The following SGTA variants were observed in gnomAD, a reference collection of about 807,000 sequenced individuals.
The protein encoded by SGTA is small glutamine rich tetratricopeptide repeat co-chaperone alpha, also known as small glutamine-rich tetratricopeptide repeat-containing protein alpha.
In SGTA, 22 loss-of-function variants were observed where a neutral mutation model predicts 44.3. The observed-to-expected ratio is 0.50, with a 90% CI of 0.36 to 0.71. The LOEUF is 0.71. SGTA is among the 30% of genes least tolerant of loss of function. The probability of loss-of-function intolerance (pLI) is 0.00; values close to 1 mark genes in which losing one functional copy is unlikely to be tolerated. For synonymous variants in SGTA, 174 were observed against 177.6 expected (o/e 0.98, Z 0.16); for missense variants, 341 against 435.9 (o/e 0.78, Z 1.94).
chr19:2,769,809 T>TGACACCCTCCTGGTTCCCCCAGCG (rs1488056710), intron 1 of SGTA, among the ~76,000 whole-genome samples: 2 of 45,974 alleles, frequency 4.4e-5, no homozygotes, highest in South Asian at 8.0e-4. Context: ...TTCCCCCACC[T>TGACACCCTCCTGGTTCCCCCAGCG]GACACCCTCC....
Position 2,755,317 on chromosome 19 carries a change from T to C in SGTA, c.*623A>G. 1.4e-6 allele frequency: 1 copy of C among 739,604 alleles called. No homozygotes were observed. Among genetic ancestry groups the C allele is most frequent in the Non-Finnish European group, 1.7e-6 (1 of 603,474 alleles). The allele number at this position is 739,604 out of a possible 1,614,324, so 45.8% of individuals were successfully genotyped here. A position where few individuals can be genotyped will look rare whatever the true frequency, so the allele number is the denominator to read the frequency against. ...AGAAAAGTCACAGAAACTGGTCCTA[T>C]GCACCCAGGACGGCTCCTGAGCCGC... is the stretch of plus-strand genomic sequence containing the variant. On this transcript the variant is annotated 3_prime_UTR_variant, in exon 12 of 12. Coordinates refer to ENST00000221566, the MANE Select transcript of SGTA (RefSeq NM_003021.4). The surrounding 1 kb of genome is among the most constrained non-coding windows in gnomAD (Gnocchi z 5.2).
intron 1 of SGTA, among the ~76,000 whole-genome samples, chr19:2,769,625 G>GGT (rs1268925291): frequency 1.3e-5 from 2 of 152,318 alleles, no homozygotes; most frequent in East Asian, 3.9e-4. Context: ...AACGGGGCCA[G>GGT]GTGTGCCTGC....
At chr19:2,762,968 C>T (rs1224695229) in intron 6 of SGTA, among the ~76,000 whole-genome samples, 1 of 152,182 alleles carries the variant, frequency 6.6e-6, no homozygotes, top group African/African-American at 2.4e-5. Flanking sequence ...GTTGTCTTGG[C>T]CCCGCTTCCC....
chr19:2,782,267 T>C (rs1599511960), intron 1 of SGTA, among the ~76,000 whole-genome samples: 1 of 152,134 alleles, frequency 6.6e-6, no homozygotes, highest in Non-Finnish European at 1.5e-5. Context: ...GGGCACAGAA[T>C]TGTTCCTGGT....
Position 2,761,391 on chromosome 19 carries a change from G to C in SGTA, c.699+69C>G. ...AGGCAAGGAAGCCCTGGCCAGTAGC[G>C]GACACAGCAGATGCGGGCCTGGGGG... On this transcript the variant is annotated intron_variant, in intron 8 of 11. Coordinates refer to ENST00000221566, the MANE Select transcript of SGTA (RefSeq NM_003021.4). This position sits in a 1 kb window ranked among gnomAD's most constrained non-coding sequence, Gnocchi z 5.7. The C allele has an allele frequency of 7.4e-7, 1 of 1,353,954 alleles. No homozygotes were observed. Among genetic ancestry groups the C allele is most frequent in the Non-Finnish European group, 1.0e-6 (1 of 969,782 alleles). 83.9% of individuals were successfully genotyped at this position (1,353,954 alleles called of 1,614,324 possible). A position where few individuals can be genotyped will look rare whatever the true frequency, so the allele number is the denominator to read the frequency against.
Position 2,761,900 on chromosome 19 carries a change from C to T in SGTA, c.637-378G>A, listed in dbSNP as rs939282714. On this transcript the variant is annotated intron_variant, in intron 7 of 11. Coordinates refer to ENST00000221566, the MANE Select transcript of SGTA (RefSeq NM_003021.4). The surrounding 1 kb of genome is among the most constrained non-coding windows in gnomAD (Gnocchi z 5.7). ...GTGTTTATTCCCCGTACAGCGCGACCGCCCGGGGACGGCACAGTCTATCAT... is the reference window on the plus strand; with the variant it reads ...GTGTTTATTCCCCGTACAGCGCGACTGCCCGGGGACGGCACAGTCTATCAT... Among the ~76,000 whole-genome samples the T allele has an allele frequency of 1.0e-4, 15 of 148,952 alleles. No homozygotes were observed. The highest frequency in any genetic ancestry group is 6.6e-5 in the Admixed American group (1 of 15,046).
At position 2,757,280 on chromosome 19, in the gene SGTA, A is replaced by C. The variant is rs897859878; in HGVS notation, c.*6+57T>G. 1.9e-6 allele frequency: 3 copies of C among 1,574,222 alleles called. No individual in the cohort carries two copies. In the African/African-American group the frequency reaches 4.0e-5, roughly 21 times the overall value. On this transcript the variant is annotated intron_variant, in intron 11 of 11. Transcript: ENST00000221566. ...CTGCTGGCTGCCCTCACTGCCAGGC[A>C]CTCACGTGGTGTCACTCCTGCTGGC...
chr19:2,782,062 G>C (rs1302359039), intron 1 of SGTA, among the ~76,000 whole-genome samples: 1 of 152,084 alleles, frequency 6.6e-6, no homozygotes, highest in Non-Finnish European at 1.5e-5. Flanking sequence ...GGCTGGTCTT[G>C]AACTCCTGAC....
intron 1 of SGTA, among the ~76,000 whole-genome samples, chr19:2,774,344 C>A (rs1023618081): frequency 2.0e-5 from 3 of 152,160 alleles, no homozygotes; most frequent in Admixed American, 2.0e-4. Context: ...CGGAAGGGAG[C>A]AGTGAAGGGC....
chr19:2,761,605 C>T lies in SGTA; in HGVS notation c.637-83G>A, dbSNP rs3745815. 0.21 allele frequency: 244,844 copies of T among 1,139,806 alleles called. 29,448 individuals are homozygous for T. The highest frequency in any genetic ancestry group is 0.48 in the East Asian group (18,551 of 38,762). 70.6% of individuals were successfully genotyped at this position (1,139,806 alleles called of 1,614,324 possible). A position where few individuals can be genotyped will look rare whatever the true frequency, so the allele number is the denominator to read the frequency against. On this transcript the variant is annotated intron_variant, in intron 7 of 11. Transcript: ENST00000221566. The surrounding 1 kb of genome is among the most constrained non-coding windows in gnomAD (Gnocchi z 5.7). ...CCCCCTGGAACTCAGAAACAACGGC[C>T]CCCCACGGGGCTCAGACATTCTATC...
At chr19:2,771,575 CGGG>C (rs5741784) in intron 1 of SGTA, among the ~76,000 whole-genome samples, 9 of 109,294 alleles carry the variant, frequency 8.2e-5, no homozygotes, top group African/African-American at 3.0e-4. Flanking sequence ...ACCTCCCCAT[CGGG>C]GGGGGGGGGA....
intron 6 of SGTA, 115 bp from the exon 7 acceptor site, chr19:2,762,759 C>A: frequency 8.1e-7 from 1 of 1,233,430 alleles, no homozygotes; most frequent in Non-Finnish European, 1.1e-6. Context: ...GATGGTGCCA[C>A]CCCCTGCCCG....
intron 9 of SGTA, among the ~76,000 whole-genome samples, chr19:2,758,001 G>A (rs951675153): frequency 6.6e-5 from 10 of 152,180 alleles, no homozygotes; most frequent in Admixed American, 1.3e-4. Context: ...CCTAAAGAGC[G>A]TAGTTCTCAG....
At chr19:2,758,962 G>C (rs1434398019) in intron 9 of SGTA, among the ~76,000 whole-genome samples, 1 of 152,110 alleles carries the variant, frequency 6.6e-6, no homozygotes, top group African/African-American at 2.4e-5. Context: ...GGGGATGCGT[G>C]GTTGTCAGGG....
Position 2,755,485 on chromosome 19 carries a change from T to A in SGTA, c.*455A>T. 1.0e-6 allele frequency: 1 copy of A among 986,482 alleles called. No homozygotes were observed. The allele number at this position is 986,482 out of a possible 1,614,324, so 61.1% of individuals were successfully genotyped here. On this transcript the variant is annotated 3_prime_UTR_variant, in exon 12 of 12. Transcript: ENST00000221566. The surrounding 1 kb of genome is among the most constrained non-coding windows in gnomAD (Gnocchi z 5.2). ...GCACAGGGCCGGGGTGGCCGGGAGG[T>A]CGACTCGGAAAGAGGCTTCTCACAG...
chr19:2,761,251 G>A lies in SGTA; in HGVS notation c.699+209C>T, dbSNP rs1048328304. Among the ~76,000 whole-genome samples, 12 of 152,084 alleles carry A rather than the reference G, an allele frequency of 7.9e-5. No individual in the cohort carries two copies. The highest frequency in any genetic ancestry group is 7.2e-4 in the Admixed American group (11 of 15,274). ...GACACTTTTGATTGTCGAAGCAGAGGGTGGGGGTGCTCCTGACATGGGGCG... is the reference window on the plus strand; with the variant it reads ...GACACTTTTGATTGTCGAAGCAGAGAGTGGGGGTGCTCCTGACATGGGGCG... On this transcript the variant is annotated intron_variant, in intron 8 of 11. Transcript: ENST00000221566. The surrounding 1 kb of genome is among the most constrained non-coding windows in gnomAD (Gnocchi z 5.7).
At chr19:2,778,188 C>T (rs2144742283) in intron 1 of SGTA, among the ~76,000 whole-genome samples, 1 of 152,192 alleles carries the variant, frequency 6.6e-6, no homozygotes, top group Middle Eastern at 3.4e-3. Flanking sequence ...CACACAGGGC[C>T]TAGCACGATC....
At chr19:2,768,916 G>A in intron 2 of SGTA, 53 bp downstream of exon 2, 9 of 1,350,268 alleles carry the variant, frequency 6.7e-6, no homozygotes, top group Non-Finnish European at 9.5e-6. Context: ...TACACGAGGC[G>A]ACTGTGCTGG....
At chr19:2,762,464 T>C in intron 7 of SGTA, 42 bp downstream of exon 7, 1 of 1,608,846 alleles carries the variant, frequency 6.2e-7, no homozygotes, top group Non-Finnish European at 8.5e-7. Flanking sequence ...ACCCACACAG[T>C]CAGCTCGGCG....
Sources: gnomAD v4.1 joint callset for allele counts (sites outside exome capture counted in the v4.1 genomes callset) on GRCh38, gnomAD v4.1.1 for gene constraint, Gnocchi (gnomAD v3.1) non-coding constraint, MANE v1.5 for transcripts, NCBI Gene and HGNC (gene_info 2026-07-23, HGNC 2026-07-21) for gene names.